The following ECHDC1 variants were observed in gnomAD, a reference collection of about 807,000 sequenced individuals.
ECHDC1 encodes ethylmalonyl-CoA decarboxylase.
ECHDC1 carries 29 observed loss-of-function variants against 29.7 expected under a neutral mutation model. The observed-to-expected ratio is 0.98, with a 90% CI of 0.73 to 1.33. The LOEUF is 1.33. Ranked by LOEUF, ECHDC1 falls within the 40% of genes most tolerant of loss-of-function variation. ECHDC1 has a pLI of 0.00. For synonymous variants in ECHDC1, 126 were observed against 123.1 expected (o/e 1.02, Z -0.15); for missense variants, 328 against 350.0 (o/e 0.94, Z 0.50).
intron 5 of ECHDC1, chr6:127,294,410 T>C (rs1780428942): frequency 6.6e-6 from 1 of 152,228 alleles, no homozygotes; most frequent in Admixed American, 6.5e-5. Context: ...ACGTATATTT[T>C]CCTGGCACTT....
chr6:127,333,162 A>G (rs1784116509), intron 1 of ECHDC1, among the ~76,000 whole-genome samples: 1 of 152,190 alleles, frequency 6.6e-6, no homozygotes, highest in African/African-American at 2.4e-5. Flanking sequence ...GTGAAATTCA[A>G]CAGAAGTTAG....
intron 3 of ECHDC1, among the ~76,000 whole-genome samples, chr6:127,321,983 A>G (rs1222476804): frequency 1.3e-5 from 2 of 151,924 alleles, no homozygotes; most frequent in African/African-American, 4.8e-5. Flanking sequence ...AGCCTGGGCA[A>G]CAGAACCAGA....
chr6:127,296,479 G>A (rs1562305294), intron 5 of ECHDC1, among the ~76,000 whole-genome samples: 1 of 151,892 alleles, frequency 6.6e-6, no homozygotes, highest in Non-Finnish European at 1.5e-5. Flanking sequence ...TTTTAAAAAG[G>A]CTTGTGTGGC....
At chr6:127,341,728 T>A (rs1486889618) in intron 1 of ECHDC1, 3 of 152,210 alleles carry the variant, frequency 2.0e-5, no homozygotes, top group African/African-American at 7.2e-5. Flanking sequence ...TTCCCTTTAG[T>A]GCACAGGAAA....
chr6:127,338,021 G>C (rs1005828664), intron 1 of ECHDC1, among the ~76,000 whole-genome samples: 3 of 152,128 alleles, frequency 2.0e-5, no homozygotes, highest in African/African-American at 7.2e-5. Context: ...ATTTAAAGTA[G>C]GTAAGTAGAT....
intron 1 of ECHDC1, among the ~76,000 whole-genome samples, chr6:127,340,719 G>A (rs528706394): frequency 6.7e-6 from 1 of 149,258 alleles, no homozygotes; most frequent in South Asian, 2.1e-4. Flanking sequence ...AACTTGGTAA[G>A]GACTTAGATA....
At chr6:127,303,290 G>A (rs1323462419) in intron 5 of ECHDC1, among the ~76,000 whole-genome samples, 1 of 152,052 alleles carries the variant, frequency 6.6e-6, no homozygotes, top group South Asian at 2.1e-4. Context: ...ATAAAGGAAA[G>A]CAAGAAAGTA....
At chr6:127,322,015 C>CA (rs1371311344) in intron 3 of ECHDC1, among the ~76,000 whole-genome samples, 3 of 151,382 alleles carry the variant, frequency 2.0e-5, no homozygotes, top group Non-Finnish European at 4.4e-5. Flanking sequence ...AATAAACAAA[C>CA]AAAAAAGTAG....
chr6:127,319,769 CTGGATG>C (rs1395803339), intron 3 of ECHDC1, among the ~76,000 whole-genome samples: 2 of 152,176 alleles, frequency 1.3e-5, no homozygotes, highest in Non-Finnish European at 2.9e-5. Flanking sequence ...TTCATGCTAT[CTGGATG>C]ATACCTGAGA....
At chr6:127,316,315 A>C (rs1197253547) in intron 4 of ECHDC1, 135 bp downstream of exon 4, 1 of 691,824 alleles carries the variant, frequency 1.4e-6, no homozygotes, top group Admixed American at 3.0e-5. Flanking sequence ...TCTACGGCAC[A>C]AAAAAATAGT....
chr6:127,329,730 G>A, intron 2 of ECHDC1: 1 of 300,306 alleles, frequency 3.3e-6, no homozygotes, highest in South Asian at 2.9e-5. Context: ...GATATACTGA[G>A]TTATAAGTGA....
chr6:127,340,392 T>C (rs559437495), intron 1 of ECHDC1, among the ~76,000 whole-genome samples: 1 of 152,272 alleles, frequency 6.6e-6, no homozygotes, highest in Admixed American at 6.5e-5. Context: ...TTCTCCCTCC[T>C]CTCTCCTCTC....
At chr6:127,300,460 C>T (rs182615250) in intron 5 of ECHDC1, among the ~76,000 whole-genome samples, 139 of 152,282 alleles carry the variant, frequency 9.1e-4, no homozygotes, top group African/African-American at 3.2e-3. Context: ...TGGACCCAAT[C>T]TAATCATGAG....
chr6:127,314,928 T>C (rs186749074), intron 4 of ECHDC1, 32 bp from the exon 5 acceptor site: 1 of 1,569,828 alleles, frequency 6.4e-7, no homozygotes, highest in African/African-American at 1.4e-5. Context: ...GATGTTACTA[T>C]TTTTAATTTC....
intron 5 of ECHDC1, among the ~76,000 whole-genome samples, chr6:127,296,335 A>G (rs1330888874): frequency 1.3e-5 from 2 of 152,228 alleles, no homozygotes; most frequent in East Asian, 1.9e-4. Context: ...CTGCAACTAC[A>G]CGTGCGCCAT....
At chr6:127,329,121 T>A (rs1382759875) in intron 2 of ECHDC1, among the ~76,000 whole-genome samples, 1 of 152,068 alleles carries the variant, frequency 6.6e-6, no homozygotes, top group South Asian at 2.1e-4. Context: ...GATTTTTTTT[T>A]AAACCTTTCC....
chr6:127,290,283 A>G lies in ECHDC1; in HGVS notation c.498-6T>C. ...TACTCTCTGGAGTCATTAACCTGTA[A>G]AAGAAAAAAGAAAAGCTTAATTGTA... is the stretch of plus-strand genomic sequence containing the variant. On this transcript the variant is annotated splice_region_variant and splice_polypyrimidine_tract_variant and intron_variant, in intron 5 of 5. Coordinates refer to ENST00000454859, the MANE Select transcript of ECHDC1 (RefSeq NM_001002030.2). 1 of 1,603,152 alleles carries G rather than the reference A, an allele frequency of 6.2e-7. No homozygotes were observed. The highest frequency in any genetic ancestry group is 8.5e-7 in the Non-Finnish European group (1 of 1,175,486).
chr6:127,302,493 G>A (rs370075559), intron 5 of ECHDC1, among the ~76,000 whole-genome samples: 84 of 151,618 alleles, frequency 5.5e-4, no homozygotes, highest in Non-Finnish European at 1.0e-3. Context: ...TCTGCCTCCC[G>A]GGTTCAAGTG....
intron 2 of ECHDC1, among the ~76,000 whole-genome samples, chr6:127,328,944 G>A (rs146599572): frequency 0.025 from 3,806 of 152,042 alleles, 65 homozygotes; most frequent in East Asian, 0.1. Flanking sequence ...GGAGAATGGC[G>A]TAAACCCGGG....
Sources: allele counts gnomAD v4.1 joint callset (sites outside exome capture counted in the v4.1 genomes callset), GRCh38; gene constraint gnomAD v4.1.1; transcripts MANE v1.5; gene names NCBI Gene and HGNC (gene_info 2026-07-23, HGNC 2026-07-21).